Variants in TMIGD1 observed in about 807,000 individuals in gnomAD.
The protein encoded by TMIGD1 is transmembrane and immunoglobulin domain containing 1.
A neutral mutation model predicts 27.5 loss-of-function variants in TMIGD1; 29 were observed. That is an observed-to-expected ratio of 1.05 (90% CI 0.78 to 1.44). The LOEUF (loss-of-function observed/expected upper bound fraction) is 1.44, where lower values mean the gene tolerates loss of function less well. Ranked by LOEUF, TMIGD1 falls within the 40% of genes most tolerant of loss-of-function variation. The pLI, the probability that TMIGD1 is intolerant of heterozygous loss-of-function variation, is 0.00. For synonymous variants in TMIGD1, 109 were observed against 110.3 expected (o/e 0.99, Z 0.07); for missense variants, 334 against 310.6 (o/e 1.08, Z -0.57).
At chr17:30,318,938 A>G in intron 4 of TMIGD1, 25 bp from the exon 5 acceptor site, 3 of 1,514,890 alleles carry the variant, frequency 2.0e-6, no homozygotes, top group Non-Finnish European at 2.8e-6. Context: ...AACACAGGGA[A>G]TAAGAATGAA....
In TMIGD1 at chr17:30,319,261, A is replaced by AAAAAAAAAAAAAATATATATATAT; in HGVS notation, c.641-349_641-348insATATATATATATTTTTTTTTTTTT. 3.4e-3 allele frequency among the ~76,000 whole-genome samples: 234 copies of AAAAAAAAAAAAAATATATATATAT among 68,766 alleles called. 3 individuals are homozygous for AAAAAAAAAAAAAATATATATATAT. Among genetic ancestry groups the AAAAAAAAAAAAAATATATATATAT allele is most frequent in the Non-Finnish European group, 5.1e-3 (191 of 37,708 alleles). 45.1% of individuals were successfully genotyped at this position (68,766 alleles called of 152,430 possible). A position where few individuals can be genotyped will look rare whatever the true frequency, so the allele number is the denominator to read the frequency against. ...TGTAAAAAAAAAAGAAAAAAAAAAA[A>AAAAAAAAAAAAAATATATATATAT]ATATATATATATATATAGCTGGGCA... On this transcript the variant is annotated intron_variant, in intron 4 of 6. Transcript: ENST00000328886.
chr17:30,327,680 C>T (rs1468540024), intron 3 of TMIGD1, among the ~76,000 whole-genome samples: 7 of 151,962 alleles, frequency 4.6e-5, no homozygotes, highest in African/African-American at 1.7e-4. Flanking sequence ...TAGCCTCAGC[C>T]TCCCGAGCAG....
intron 4 of TMIGD1, among the ~76,000 whole-genome samples, chr17:30,319,261 A>AAAAAAAATATATATAT: frequency 1.0e-4 from 7 of 69,040 alleles, no homozygotes; most frequent in African/African-American, 4.5e-4. Flanking sequence ...AAAAAAAAAA[A>AAAAAAAATATATATAT]ATATATATAT....
intron 4 of TMIGD1, among the ~76,000 whole-genome samples, chr17:30,320,978 C>A (rs1256285998): frequency 6.6e-6 from 1 of 152,178 alleles, no homozygotes; most frequent in Non-Finnish European, 1.5e-5. Context: ...CTGTCTCAGC[C>A]TCCCAAGTAG....
At chr17:30,325,992 A>G (rs1437913604) in intron 3 of TMIGD1, among the ~76,000 whole-genome samples, 1 of 152,182 alleles carries the variant, frequency 6.6e-6, no homozygotes, top group African/African-American at 2.4e-5. Context: ...GAGAGTGGGA[A>G]CTAGGAAAAA....
intron 4 of TMIGD1, among the ~76,000 whole-genome samples, chr17:30,319,429 CAAAAAAAAAA>C (rs1286864435): frequency 4.9e-5 from 2 of 40,788 alleles, no homozygotes; most frequent in East Asian, 7.3e-4. Flanking sequence ...TCTCTGTCTC[CAAAAAAAAAA>C]AAAAAAAAAA....
At chr17:30,332,327 T>A (rs1910008022) in intron 1 of TMIGD1, among the ~76,000 whole-genome samples, 169 bp from the exon 2 acceptor site, 1 of 152,202 alleles carries the variant, frequency 6.6e-6, no homozygotes, top group Non-Finnish European at 1.5e-5. Context: ...AAGTTCAAAG[T>A]ACATTTAGTA....
rs1281917401 is a variant in TMIGD1, at chr17:30,332,144, T to C, written c.-11A>G. ...GCTCTTCCATGCCATCTTTAATGAG[T>C]TAAACTCAGATCTACTAAGGGAAAA... On this transcript the variant is annotated 5_prime_UTR_variant, in exon 2 of 7. Transcript: ENST00000328886. 6 of 1,608,522 alleles carry C rather than the reference T, an allele frequency of 3.7e-6. No individual in the cohort carries two copies. Among genetic ancestry groups the C allele is most frequent in the Non-Finnish European group, 5.1e-6 (6 of 1,177,018 alleles).
chr17:30,327,045 TACACACAC>T (rs60346282), intron 3 of TMIGD1, among the ~76,000 whole-genome samples: 7 of 146,588 alleles, frequency 4.8e-5, no homozygotes, highest in South Asian at 2.2e-4. Context: ...CAATTAACTA[TACACACAC>T]ACACACACAC....
chr17:30,324,651 G>A (rs972449161), intron 4 of TMIGD1, among the ~76,000 whole-genome samples, 165 bp downstream of exon 4: 2 of 152,184 alleles, frequency 1.3e-5, no homozygotes, highest in African/African-American at 4.8e-5. Context: ...CTGAAAGGAT[G>A]GACTAGGATT....
Position 30,319,261 on chromosome 17 carries a change from A to AAAAAAAAAAAAAAATAAATATATATATAT in TMIGD1, c.641-349_641-348insATATATATATATTTATTTTTTTTTTTTTT. Among the ~76,000 whole-genome samples the AAAAAAAAAAAAAAATAAATATATATATAT allele has an allele frequency of 4.3e-5, 3 of 69,068 alleles. 1 individual carries two copies. The highest frequency in any genetic ancestry group is 7.9e-5 in the Non-Finnish European group (3 of 37,906). The allele number at this position is 69,068 out of a possible 152,430, so 45.3% of individuals were successfully genotyped here. On this transcript the variant is annotated intron_variant, in intron 4 of 6. Transcript: ENST00000328886. ...TGTAAAAAAAAAAGAAAAAAAAAAAAATATATATATATATATAGCTGGGCA... is the reference window on the plus strand; with the variant it reads ...TGTAAAAAAAAAAGAAAAAAAAAAAAAAAAAAAAAAAAAATAAATATATATATATATATATATATATATATAGCTGGGCA...
chr17:30,329,324 G>A lies in TMIGD1; in HGVS notation c.288C>T (p.Asp96=), dbSNP rs1329526673. Residue 96 remains aspartate (D), a synonymous_variant, in exon 3 of 7, where the codon GAC becomes GAT. Transcript: ENST00000328886. ...SVCVSSISEN[D]NGISFTCRLG... Reference sequence around the variant, plus strand: ...GCCTGCAGGTAAAGCTGATTCCGTTGTCATTTTCACTGATGGAAGAGACAC... The same window carrying A: ...GCCTGCAGGTAAAGCTGATTCCGTTATCATTTTCACTGATGGAAGAGACAC... 1.7e-5 allele frequency: 28 copies of A among 1,613,920 alleles called. No homozygotes were observed. Among genetic ancestry groups the A allele is most frequent in the Non-Finnish European group, 2.2e-5 (26 of 1,180,016 alleles).
intron 4 of TMIGD1, among the ~76,000 whole-genome samples, chr17:30,323,843 G>A (rs565469704): frequency 5.9e-5 from 9 of 151,922 alleles, no homozygotes; most frequent in Non-Finnish European, 1.2e-4. Context: ...AGTAGCCCCT[G>A]AGCAATTGTT....
At chr17:30,324,760 T>A in intron 4 of TMIGD1, 56 bp downstream of exon 4, 2 of 1,547,434 alleles carry the variant, frequency 1.3e-6, no homozygotes, top group Admixed American at 3.6e-5. Context: ...AAATATTCAC[T>A]GAGCATCTGG....
At chr17:30,318,978 A>G (rs1157176268) in intron 4 of TMIGD1, 65 bp from the exon 5 acceptor site, 1 of 1,164,598 alleles carries the variant, frequency 8.6e-7, no homozygotes. Context: ...CGTCCCAGCA[A>G]TGGTGCCTTG....
intron 4 of TMIGD1, among the ~76,000 whole-genome samples, chr17:30,324,334 C>A (rs1032660088): frequency 1.3e-5 from 2 of 152,084 alleles, no homozygotes; most frequent in Admixed American, 1.3e-4. Flanking sequence ...AGAGAAAGGG[C>A]TTTTTTGTCC....
chr17:30,319,062 C>T, intron 4 of TMIGD1, 149 bp from the exon 5 acceptor site: 2 of 624,934 alleles, frequency 3.2e-6, no homozygotes, highest in South Asian at 3.8e-5. Flanking sequence ...GTCCTCATTT[C>T]ACAGGTGAGG....
chr17:30,331,275 G>T (rs568431928), intron 2 of TMIGD1, among the ~76,000 whole-genome samples: 14 of 151,568 alleles, frequency 9.2e-5, no homozygotes, highest in Middle Eastern at 3.5e-3. Flanking sequence ...AATATTGAGT[G>T]GTTGTCATCT....
intron 3 of TMIGD1, among the ~76,000 whole-genome samples, chr17:30,326,089 T>G (rs761998893): frequency 1.3e-5 from 2 of 152,190 alleles, no homozygotes; most frequent in Non-Finnish European, 2.9e-5. Context: ...TATTAATAAC[T>G]CTCTCAGAAG....
Sources: gnomAD v4.1 joint callset for allele counts (sites outside exome capture counted in the v4.1 genomes callset) on GRCh38, gnomAD v4.1.1 for gene constraint, MANE v1.5 for transcripts, NCBI Gene and HGNC (gene_info 2026-07-23, HGNC 2026-07-21) for gene names.